Variants in MAD1L1 observed in about 807,000 individuals in gnomAD.
MAD1L1 encodes mitotic arrest deficient 1 like 1.
A neutral mutation model predicts 96.9 loss-of-function variants in MAD1L1; 95 were observed. The ratio of observed to expected loss-of-function variants is 0.98; its 90% CI spans 0.83 to 1.16. MAD1L1 has a LOEUF of 1.16. Ranked by LOEUF, MAD1L1 falls within the 50% of genes most tolerant of loss-of-function variation. The pLI is 0.00. For synonymous variants in MAD1L1, 473 were observed against 396.6 expected (o/e 1.19, Z -2.29); for missense variants, 1,007 against 954.4 (o/e 1.06, Z -0.73).
chr7:2,001,052 C>T (rs759614082), intron 14 of MAD1L1, among the ~76,000 whole-genome samples: 1 of 152,254 alleles, frequency 6.6e-6, no homozygotes, highest in South Asian at 2.1e-4. Flanking sequence ...GTGCTGCCAG[C>T]CCCAGAGCCT....
At chr7:2,220,022 C>T (rs1263128187) in intron 5 of MAD1L1, among the ~76,000 whole-genome samples, 1 of 152,236 alleles carries the variant, frequency 6.6e-6, no homozygotes, top group East Asian at 1.9e-4. Context: ...GCCACACCAT[C>T]ACTTCGGTCT....
At chr7:1,843,796 T>A (rs1180023281) in intron 18 of MAD1L1, among the ~76,000 whole-genome samples, 1 of 152,156 alleles carries the variant, frequency 6.6e-6, no homozygotes, top group Non-Finnish European at 1.5e-5. Flanking sequence ...TGGAGGCGAA[T>A]TCACCTCCTA....
chr7:2,048,251 G>T (rs937069781), intron 12 of MAD1L1, among the ~76,000 whole-genome samples: 1 of 152,250 alleles, frequency 6.6e-6, no homozygotes, highest in Non-Finnish European at 1.5e-5. Context: ...TCGGGCAGCG[G>T]GGTAGGTGTA....
chr7:2,215,874 C>T lies in MAD1L1; in HGVS notation c.924+11G>A, dbSNP rs1329442863. Reference sequence around the variant, plus strand: ...ACACCCACAGGAACCGCACACCACACAGGCCCTCACCTCGTTCTCCAGCTC... The same window carrying T: ...ACACCCACAGGAACCGCACACCACATAGGCCCTCACCTCGTTCTCCAGCTC... On this transcript the variant is annotated intron_variant, in intron 9 of 18. Transcript: ENST00000265854. 1 of 1,613,688 alleles carries T rather than the reference C, an allele frequency of 6.2e-7. No homozygotes were observed. Among genetic ancestry groups the T allele is most frequent in the Admixed American group, 1.7e-5 (1 of 60,028 alleles).
intron 10 of MAD1L1, among the ~76,000 whole-genome samples, chr7:2,167,624 G>A (rs547650591): frequency 5.9e-5 from 9 of 152,208 alleles, no homozygotes; most frequent in African/African-American, 2.2e-4. Context: ...CAGCTACTCA[G>A]GAGGCTGAGG....
intron 18 of MAD1L1, among the ~76,000 whole-genome samples, chr7:1,857,338 G>C (rs1315468245): frequency 2.0e-5 from 3 of 152,120 alleles, no homozygotes; most frequent in African/African-American, 7.2e-5. Flanking sequence ...CTGTGCTCGG[G>C]GGGCGGCACA....
At chr7:1,918,089 G>A (rs557502595) in intron 17 of MAD1L1, among the ~76,000 whole-genome samples, 28 of 152,268 alleles carry the variant, frequency 1.8e-4, no homozygotes, top group Admixed American at 1.2e-3. Flanking sequence ...CCCAGTCCAC[G>A]GCCAGCGCCC....
chr7:1,873,230 G>A (rs1421431037), intron 18 of MAD1L1, among the ~76,000 whole-genome samples: 1 of 152,230 alleles, frequency 6.6e-6, no homozygotes, highest in African/African-American at 2.4e-5. Flanking sequence ...CTGGCTCACA[G>A]GCCCCATCCC....
intron 15 of MAD1L1, among the ~76,000 whole-genome samples, chr7:1,972,378 T>A (rs1057160172): frequency 6.6e-6 from 1 of 152,214 alleles, no homozygotes; most frequent in Non-Finnish European, 1.5e-5. Context: ...TTTAAAAAAA[T>A]AGTTTACAAG....
chr7:2,122,110 C>T (rs1185219215), intron 11 of MAD1L1, among the ~76,000 whole-genome samples: 2 of 152,234 alleles, frequency 1.3e-5, no homozygotes, highest in East Asian at 1.9e-4. Context: ...ACAAGCAGAA[C>T]TGCCACTGTC....
At chr7:1,884,797 T>TG (rs1312561120) in intron 18 of MAD1L1, among the ~76,000 whole-genome samples, 1 of 152,138 alleles carries the variant, frequency 6.6e-6, no homozygotes, top group Non-Finnish European at 1.5e-5. Flanking sequence ...GTCAGAGCCC[T>TG]GGGGGCAGCC....
chr7:2,132,549 C>T (rs746481128), intron 11 of MAD1L1, among the ~76,000 whole-genome samples: 17 of 152,228 alleles, frequency 1.1e-4, no homozygotes, highest in Non-Finnish European at 2.1e-4. Flanking sequence ...GGTCCGCCTG[C>T]GCATCCCTCT....
chr7:2,155,051 A>T (rs1160421482), intron 10 of MAD1L1, among the ~76,000 whole-genome samples: 1 of 152,162 alleles, frequency 6.6e-6, no homozygotes, highest in African/African-American at 2.4e-5. Context: ...AGAGGCTTGC[A>T]CGGAGAAGCA....
At chr7:2,059,574 G>A (rs1350706554) in intron 12 of MAD1L1, among the ~76,000 whole-genome samples, 2 of 146,930 alleles carry the variant, frequency 1.4e-5, no homozygotes, top group Admixed American at 6.8e-5. Flanking sequence ...GCATGGCCAG[G>A]GGAGGGGAGA....
At chr7:1,947,705 C>T (rs1032758526) in intron 16 of MAD1L1, among the ~76,000 whole-genome samples, 4 of 152,138 alleles carry the variant, frequency 2.6e-5, no homozygotes, top group Non-Finnish European at 4.4e-5. Flanking sequence ...CCTTGCCTGC[C>T]GCACACGGCT....
intron 10 of MAD1L1, among the ~76,000 whole-genome samples, chr7:2,180,842 T>C (rs930827736): frequency 6.6e-6 from 1 of 152,226 alleles, no homozygotes; most frequent in South Asian, 2.1e-4. Flanking sequence ...CTTCTGCAAA[T>C]AGAGACAGTT....
chr7:2,168,098 A>C (rs1174851552), intron 10 of MAD1L1, among the ~76,000 whole-genome samples: 1 of 152,174 alleles, frequency 6.6e-6, no homozygotes, highest in Non-Finnish European at 1.5e-5. Flanking sequence ...CAGCCTGGCC[A>C]ACATGGCGAA....
At chr7:2,227,167 G>A (rs968406480) in intron 3 of MAD1L1, among the ~76,000 whole-genome samples, 14 of 151,136 alleles carry the variant, frequency 9.3e-5, no homozygotes, top group African/African-American at 2.4e-4. Flanking sequence ...TGGTGGTAAC[G>A]CACCTGTAAT....
At chr7:2,030,547 G>C (rs1783179277) in intron 12 of MAD1L1, among the ~76,000 whole-genome samples, 1 of 152,326 alleles carries the variant, frequency 6.6e-6, no homozygotes, top group East Asian at 1.9e-4. Context: ...GATGTGCAGA[G>C]GCCCCTGGGT....
Sources: gnomAD v4.1 joint callset for allele counts (sites outside exome capture counted in the v4.1 genomes callset) on GRCh38, gnomAD v4.1.1 for gene constraint, MANE v1.5 for transcripts, NCBI Gene and HGNC (gene_info 2026-07-23, HGNC 2026-07-21) for gene names.